The following GRIK1 variants were observed in gnomAD, a reference collection of about 807,000 sequenced individuals.
GRIK1 encodes the protein glutamate ionotropic receptor kainate type subunit 1.
GRIK1 carries 69 observed loss-of-function variants against 105.7 expected under a neutral mutation model. The observed-to-expected ratio is 0.65, with a 90% confidence interval of 0.54 to 0.80. The LOEUF is 0.80. Ranked by LOEUF, GRIK1 falls within the 30% of genes least tolerant of loss-of-function variation. The pLI is 0.00. For synonymous variants in GRIK1, 438 were observed against 431.3 expected, an observed-to-expected ratio of 1.02 and a Z score of -0.19; for missense variants, 1,109 against 1,167.3, an observed-to-expected ratio of 0.95 and a Z score of 0.73.
intron 4 of GRIK1, among the ~76,000 whole-genome samples, chr21:29,667,217 G>A (rs1337119018): frequency 6.6e-6 from 1 of 152,140 alleles, no homozygotes; most frequent in African/African-American, 2.4e-5. Flanking sequence ...CACAGCTGAT[G>A]GTTGCTTCTG....
chr21:29,586,225 T>G (rs2091127854), intron 12 of GRIK1, among the ~76,000 whole-genome samples: 1 of 152,206 alleles, frequency 6.6e-6, no homozygotes, highest in African/African-American at 2.4e-5. Flanking sequence ...AGGGTACAGT[T>G]TATAAGGCCT....
intron 1 of GRIK1, among the ~76,000 whole-genome samples, chr21:29,742,241 T>G (rs2064948291): frequency 6.6e-6 from 1 of 152,338 alleles, no homozygotes; most frequent in Non-Finnish European, 1.5e-5. Flanking sequence ...AAAGCATTTC[T>G]GTCTTCTGAT....
chr21:29,595,339 G>GT (rs2061391507), intron 9 of GRIK1, among the ~76,000 whole-genome samples: 4 of 127,202 alleles, frequency 3.1e-5, no homozygotes, highest in African/African-American at 1.1e-4. Flanking sequence ...TAGTGTAATA[G>GT]GTTTTTTTTT....
chr21:29,817,284 A>G (rs2067180094), intron 1 of GRIK1, among the ~76,000 whole-genome samples: 1 of 152,124 alleles, frequency 6.6e-6, no homozygotes. Flanking sequence ...TCATAAAAGA[A>G]AAAATAATTA....
chr21:29,920,298 G>A (rs919386555), intron 1 of GRIK1, among the ~76,000 whole-genome samples: 1 of 151,996 alleles, frequency 6.6e-6, no homozygotes, highest in East Asian at 1.9e-4. Context: ...GCTACTATAT[G>A]TACACACACA....
At chr21:29,805,412 C>G (rs1601742856) in intron 1 of GRIK1, among the ~76,000 whole-genome samples, 1 of 152,132 alleles carries the variant, frequency 6.6e-6, no homozygotes. Flanking sequence ...GCCCTGAAAT[C>G]TGATTCACCA....
intron 1 of GRIK1, among the ~76,000 whole-genome samples, chr21:29,927,850 G>A (rs1051809963): frequency 1.3e-5 from 2 of 152,000 alleles, no homozygotes; most frequent in East Asian, 1.9e-4. Context: ...CAGCCTGGGC[G>A]ACAGAGCAAG....
intron 1 of GRIK1, among the ~76,000 whole-genome samples, chr21:29,907,189 T>C (rs2070674801): frequency 6.6e-6 from 1 of 151,940 alleles, no homozygotes; most frequent in Admixed American, 6.5e-5. Flanking sequence ...AAGAATTCAA[T>C]ACAATCTCCC....
intron 1 of GRIK1, among the ~76,000 whole-genome samples, chr21:29,757,897 G>T (rs1299479700): frequency 6.6e-6 from 1 of 152,258 alleles, no homozygotes; most frequent in African/African-American, 2.4e-5. Flanking sequence ...ATTACTCCCA[G>T]TTGAGGGATG....
At chr21:29,689,075 G>T (rs1204783730) in intron 3 of GRIK1, among the ~76,000 whole-genome samples, 1 of 151,732 alleles carries the variant, frequency 6.6e-6, no homozygotes, top group Non-Finnish European at 1.5e-5. Context: ...CTGAATTTTT[G>T]AAAAATTCTG....
chr21:29,830,570 T>C (rs2067603816), intron 1 of GRIK1, among the ~76,000 whole-genome samples: 1 of 152,146 alleles, frequency 6.6e-6, no homozygotes, highest in Non-Finnish European at 1.5e-5. Flanking sequence ...ATAGAGTGCT[T>C]GCTCCATGAA....
chr21:29,796,678 G>A (rs574485570), intron 1 of GRIK1, among the ~76,000 whole-genome samples: 9 of 152,244 alleles, frequency 5.9e-5, no homozygotes, highest in Non-Finnish European at 1.3e-4. Flanking sequence ...GATGGGTGAG[G>A]TAGCTCACAC....
intron 1 of GRIK1, among the ~76,000 whole-genome samples, chr21:29,816,151 T>C (rs2067149007): frequency 1.3e-5 from 2 of 152,144 alleles, no homozygotes; most frequent in Middle Eastern, 3.4e-3. Flanking sequence ...AATAGATATT[T>C]CTCAAAAGAA....
At chr21:29,829,359 G>A (rs1013924255) in intron 1 of GRIK1, among the ~76,000 whole-genome samples, 12 of 152,092 alleles carry the variant, frequency 7.9e-5, no homozygotes, top group South Asian at 2.1e-4. Flanking sequence ...AACTTTGGAC[G>A]TCTTCATAAC....
At chr21:29,717,038 G>A (rs768278550) in intron 1 of GRIK1, among the ~76,000 whole-genome samples, 7 of 152,236 alleles carry the variant, frequency 4.6e-5, no homozygotes, top group African/African-American at 9.6e-5. Context: ...TGCAGCTCAC[G>A]TCATGGCTTC....
chr21:29,642,739 G>A lies in GRIK1; in HGVS notation c.1098+87C>T, dbSNP rs1012795868. 8 of 1,175,294 alleles carry A rather than the reference G, an allele frequency of 6.8e-6. No homozygotes were observed. In the African/African-American group the frequency reaches 1.1e-4, roughly 16 times the overall value. The allele number at this position is 1,175,294 out of a possible 1,614,324, so 72.8% of individuals were successfully genotyped here. A position where few individuals can be genotyped will look rare whatever the true frequency, so the allele number is the denominator to read the frequency against. Reference sequence around the variant, plus strand: ...CCTCTCTCTTAGGGGCATCATGCCAGCAGAACCCTGTGGGGAGGACCATAC... The same window carrying A: ...CCTCTCTCTTAGGGGCATCATGCCAACAGAACCCTGTGGGGAGGACCATAC... On this transcript the variant is annotated intron_variant, in intron 7 of 17. Coordinates refer to ENST00000327783, the MANE Select transcript of GRIK1 (RefSeq NM_001330994.2).
chr21:29,604,666 C>T (rs1376459821), intron 7 of GRIK1, among the ~76,000 whole-genome samples: 1 of 152,154 alleles, frequency 6.6e-6, no homozygotes, highest in Non-Finnish European at 1.5e-5. Context: ...TTATAGTATA[C>T]TTAAAACAGA....
chr21:29,840,884 G>GA (rs1045079022), intron 1 of GRIK1, among the ~76,000 whole-genome samples: 1 of 151,796 alleles, frequency 6.6e-6, no homozygotes, highest in East Asian at 1.9e-4. Flanking sequence ...CAACAGCTGG[G>GA]AAAAAAACAT....
At chr21:29,560,512 C>CT (rs764773635) in intron 15 of GRIK1, among the ~76,000 whole-genome samples, 2,484 of 29,346 alleles carry the variant, frequency 0.085, 340 homozygotes, top group African/African-American at 0.17. Context: ...TCCTTCCTTC[C>CT]TTCCTTCCTT....
Sources: allele counts gnomAD v4.1 joint callset (sites outside exome capture counted in the v4.1 genomes callset), GRCh38; gene constraint gnomAD v4.1.1; transcripts MANE v1.5; gene names NCBI Gene and HGNC (gene_info 2026-07-23, HGNC 2026-07-21).